Variants in KHDRBS2 observed in about 807,000 individuals in gnomAD.
The protein encoded by KHDRBS2 is KH domain-containing, RNA-binding, signal transduction-associated protein 2.
A neutral mutation model predicts 44.3 loss-of-function variants in KHDRBS2; 26 were observed. That is an observed-to-expected ratio of 0.59 (90% CI 0.43 to 0.81). The LOEUF is 0.81. KHDRBS2 is among the 40% of genes least tolerant of loss of function. The pLI is 0.00. For missense variants in KHDRBS2, 476 were observed against 433.1 expected (o/e 1.10, Z -0.88); for synonymous variants, 194 against 151.1 (o/e 1.28, Z -2.08).
At chr6:62,259,059 G>A (rs562244264) in intron 1 of KHDRBS2, among the ~76,000 whole-genome samples, 1 of 152,140 alleles carries the variant, frequency 6.6e-6, no homozygotes, top group South Asian at 2.1e-4. Context: ...AATAGATAAG[G>A]AAGCAAAAGA....
At chr6:62,206,836 TTTCA>T (rs1198101167) in intron 1 of KHDRBS2, among the ~76,000 whole-genome samples, 2 of 152,128 alleles carry the variant, frequency 1.3e-5, no homozygotes, top group East Asian at 3.9e-4. Context: ...ATATTTTGTT[TTTCA>T]GTGCTTGTGA....
chr6:61,936,536 T>C (rs1451156404), intron 4 of KHDRBS2, among the ~76,000 whole-genome samples: 1 of 152,016 alleles, frequency 6.6e-6, no homozygotes, highest in African/African-American at 2.4e-5. Context: ...TATATTTGAA[T>C]ATTGTGTTTT....
At chr6:61,976,723 C>A (rs1252967518) in intron 4 of KHDRBS2, among the ~76,000 whole-genome samples, 1 of 152,062 alleles carries the variant, frequency 6.6e-6, no homozygotes, top group African/African-American at 2.4e-5. Flanking sequence ...GACTTGAAGT[C>A]ATGTAGTATG....
chr6:61,836,321 G>A (rs186684032), intron 6 of KHDRBS2, among the ~76,000 whole-genome samples: 16 of 152,024 alleles, frequency 1.1e-4, no homozygotes, highest in South Asian at 4.1e-4. Flanking sequence ...ATAAACACAC[G>A]CAGGTTTCCC....
At chr6:61,916,300 C>A (rs1583491618) in intron 4 of KHDRBS2, among the ~76,000 whole-genome samples, 1 of 152,028 alleles carries the variant, frequency 6.6e-6, no homozygotes, top group African/African-American at 2.4e-5. Flanking sequence ...TCTCAAAAAA[C>A]TACTCTTGCT....
intron 6 of KHDRBS2, among the ~76,000 whole-genome samples, chr6:61,812,954 T>G (rs1368646713): frequency 6.6e-6 from 1 of 152,108 alleles, no homozygotes; most frequent in African/African-American, 2.4e-5. Flanking sequence ...TTTAAGTTAC[T>G]TGAAGACACT....
intron 1 of KHDRBS2, 72 bp from the exon 2 acceptor site, chr6:62,177,384 T>C: frequency 8.4e-7 from 1 of 1,184,180 alleles, no homozygotes; most frequent in South Asian, 1.5e-5. Flanking sequence ...TGAAAAATGT[T>C]ATCATAAATA....
chr6:61,740,412 C>A (rs1425873165), intron 6 of KHDRBS2, among the ~76,000 whole-genome samples: 5 of 151,830 alleles, frequency 3.3e-5, no homozygotes, highest in African/African-American at 1.2e-4. Context: ...TTTTCTATAA[C>A]ATGGTAAAGG....
chr6:62,124,863 A>G (rs1188932114), intron 2 of KHDRBS2, among the ~76,000 whole-genome samples: 1 of 152,152 alleles, frequency 6.6e-6, no homozygotes, highest in Non-Finnish European at 1.5e-5. Flanking sequence ...CCAGCCACAT[A>G]TAACTGTTCC....
chr6:61,578,256 T>C, the KHDRBS2 span, among the ~76,000 whole-genome samples: 1 of 152,172 alleles, frequency 6.6e-6, no homozygotes, highest in Non-Finnish European at 1.5e-5. Context: ...GCACATTGCA[T>C]CAACATTTTG....
the KHDRBS2 span, among the ~76,000 whole-genome samples, chr6:61,546,839 T>C: frequency 1.3e-5 from 2 of 152,156 alleles, no homozygotes; most frequent in African/African-American, 2.4e-5. Context: ...CATGCATTTG[T>C]ATGATTATTA....
intron 6 of KHDRBS2, among the ~76,000 whole-genome samples, chr6:61,892,413 T>C (rs903232071): frequency 6.6e-6 from 1 of 152,126 alleles, no homozygotes; most frequent in African/African-American, 2.4e-5. Flanking sequence ...TTAAAGTTCA[T>C]ATGGAACCAA....
chr6:61,676,875 C>T (rs1765975067), downstream of KHDRBS2, among the ~76,000 whole-genome samples: 1 of 151,852 alleles, frequency 6.6e-6, no homozygotes, highest in Non-Finnish European at 1.5e-5. Flanking sequence ...TCTTCTGAGC[C>T]TGGACAACCT....
At chr6:61,931,835 C>T (rs1276705840) in intron 4 of KHDRBS2, among the ~76,000 whole-genome samples, 3 of 151,974 alleles carry the variant, frequency 2.0e-5, no homozygotes, top group Admixed American at 6.6e-5. Flanking sequence ...CTCTGCCATC[C>T]CTGAAACAGC....
intron 6 of KHDRBS2, among the ~76,000 whole-genome samples, chr6:61,830,456 C>T (rs1258365489): frequency 1.3e-5 from 2 of 152,168 alleles, no homozygotes; most frequent in African/African-American, 2.4e-5. Context: ...AACCATAGAA[C>T]ATTTTGGAAA....
At chr6:62,105,857 T>C (rs1803116244) in intron 2 of KHDRBS2, among the ~76,000 whole-genome samples, 1 of 152,210 alleles carries the variant, frequency 6.6e-6, no homozygotes, top group Non-Finnish European at 1.5e-5. Flanking sequence ...CGAGTTCTTT[T>C]AATTGTGATG....
intron 2 of KHDRBS2, among the ~76,000 whole-genome samples, chr6:62,140,366 A>G (rs1812539711): frequency 6.6e-6 from 1 of 152,222 alleles, no homozygotes; most frequent in Non-Finnish European, 1.5e-5. Context: ...TTTCCATATT[A>G]GATAAATAAT....
chr6:61,939,326 T>C (rs534101417), intron 4 of KHDRBS2, among the ~76,000 whole-genome samples: 2 of 152,332 alleles, frequency 1.3e-5, no homozygotes, highest in African/African-American at 4.8e-5. Context: ...ATTTTTACCA[T>C]TGTACTTATC....
chr6:62,245,401 T>A (rs1206590550), intron 1 of KHDRBS2, among the ~76,000 whole-genome samples: 1 of 152,130 alleles, frequency 6.6e-6, no homozygotes, highest in African/African-American at 2.4e-5. Flanking sequence ...TGTGGCTAAT[T>A]CAAAACAGTG....
Sources: gnomAD v4.1 joint callset for allele counts (sites outside exome capture counted in the v4.1 genomes callset) on GRCh38, gnomAD v4.1.1 for gene constraint, MANE v1.5 for transcripts, NCBI Gene and HGNC (gene_info 2026-07-23, HGNC 2026-07-21) for gene names.